The following KDM1A variants were observed in gnomAD, a reference collection of about 807,000 sequenced individuals.
The protein encoded by KDM1A is lysine-specific histone demethylase 1A.
A neutral mutation model predicts 109.4 loss-of-function variants in KDM1A; 49 were observed. The ratio of observed to expected loss-of-function variants is 0.45; its 90% confidence interval spans 0.36 to 0.57. The LOEUF (loss-of-function observed/expected upper bound fraction) is 0.57. Among genes scored for constraint, KDM1A ranks in the 20% least tolerant of loss-of-function variants. The pLI, the probability that KDM1A is intolerant of heterozygous loss-of-function variation, is 0.00. For synonymous variants in KDM1A, 380 were observed against 415.4 expected, an observed-to-expected ratio of 0.91 and a Z score of 1.04; for missense variants, 668 against 1,116.6, an observed-to-expected ratio of 0.60 and a Z score of 5.73.
intron 1 of KDM1A, among the ~76,000 whole-genome samples, chr1:23,028,191 G>A (rs900258639): frequency 6.6e-6 from 1 of 152,152 alleles, no homozygotes; most frequent in Non-Finnish European, 1.5e-5. Flanking sequence ...TGTCTCTGTT[G>A]CTCAGGCTGG....
chr1:23,068,997 TG>T, intron 11 of KDM1A, 63 bp from the exon 12 acceptor site: 2 of 1,099,642 alleles, frequency 1.8e-6, no homozygotes, highest in Admixed American at 2.3e-5. Flanking sequence ...ATGTTTTTGA[TG>T]GGCACCTGTC....
At chr1:23,078,854 T>A in intron 16 of KDM1A, 136 bp from the exon 17 acceptor site, 2 of 815,316 alleles carry the variant, frequency 2.5e-6, no homozygotes, top group Non-Finnish European at 4.0e-6. Context: ...AGTTTTCTTA[T>A]GTGAAACATG....
At chr1:23,056,066 C>T (rs1176746899) in intron 7 of KDM1A, 28 bp downstream of exon 7, 1 of 1,448,356 alleles carries the variant, frequency 6.9e-7, no homozygotes, top group Non-Finnish European at 9.7e-7. Flanking sequence ...AGTTTAGAGG[C>T]TTGACCTATT....
intron 2 of KDM1A, among the ~76,000 whole-genome samples, chr1:23,036,984 A>AT (rs1229481208): frequency 3.3e-5 from 5 of 152,140 alleles, no homozygotes; most frequent in Non-Finnish European, 7.3e-5. Context: ...CCTGCAAAGA[A>AT]TTTGTAGTCC....
chr1:23,041,260 A>C (rs1642322538), intron 2 of KDM1A, among the ~76,000 whole-genome samples: 1 of 152,102 alleles, frequency 6.6e-6, no homozygotes, highest in African/African-American at 2.4e-5. Flanking sequence ...GAAAATAATA[A>C]CTTCATTCTT....
chr1:23,068,688 A>T lies in KDM1A; in HGVS notation c.1322+7A>T. 1 of 1,539,190 alleles carries T rather than the reference A, an allele frequency of 6.5e-7. No homozygotes were observed. The highest frequency in any genetic ancestry group is 1.7e-4 in the Middle Eastern group (1 of 5,754). On this transcript the variant is annotated splice_region_variant and intron_variant, in intron 11 of 20. Coordinates refer to ENST00000400181, the MANE Select transcript of KDM1A (RefSeq NM_001009999.3). ...CATTGGAAGTTGTCATTCAGTAAGT[A>T]CTTTGATACTGCTTATTGTATAGTG...
At chr1:23,068,071 A>C (rs1643205231) in intron 10 of KDM1A, among the ~76,000 whole-genome samples, 1 of 152,164 alleles carries the variant, frequency 6.6e-6, no homozygotes, top group African/African-American at 2.4e-5. Flanking sequence ...CCTGAGATTC[A>C]TCTTTGAGGG....
At chr1:23,068,996 A>G in intron 11 of KDM1A, 65 bp from the exon 12 acceptor site, 1 of 1,099,796 alleles carries the variant, frequency 9.1e-7, no homozygotes, top group Non-Finnish European at 1.3e-6. Context: ...AATGTTTTTG[A>G]TGGGCACCTG....
chr1:23,057,374 C>T, intron 7 of KDM1A, 110 bp from the exon 8 acceptor site: 1 of 780,800 alleles, frequency 1.3e-6, no homozygotes, highest in Non-Finnish European at 2.2e-6. Context: ...TCCATGTAAA[C>T]TCTACATCTT....
intron 1 of KDM1A, 141 bp downstream of exon 1, chr1:23,020,088 CCT>C (rs1023051226): frequency 2.2e-6 from 2 of 905,014 alleles, no homozygotes; most frequent in Non-Finnish European, 3.0e-6. Context: ...CGCCACGTCC[CCT>C]CTAGCTGGAC....
chr1:23,022,035 G>T (rs571632811), intron 1 of KDM1A, among the ~76,000 whole-genome samples: 2 of 152,234 alleles, frequency 1.3e-5, no homozygotes, highest in Non-Finnish European at 1.5e-5. Context: ...ATATTCCATT[G>T]TATGGATATA....
At chr1:23,078,657 T>A (rs1187395815) in intron 16 of KDM1A, among the ~76,000 whole-genome samples, 2 of 152,196 alleles carry the variant, frequency 1.3e-5, no homozygotes, top group African/African-American at 4.8e-5. Context: ...ACTTTATTCT[T>A]TATTTTTGGT....
chr1:23,041,557 C>T (rs1258532909), intron 2 of KDM1A, among the ~76,000 whole-genome samples: 1 of 149,912 alleles, frequency 6.7e-6, no homozygotes, highest in Non-Finnish European at 1.5e-5. Flanking sequence ...ATTCTCCTGC[C>T]TCAGCCTCCT....
At chr1:23,050,546 C>G (rs746813193) in intron 4 of KDM1A, 26 bp downstream of exon 4, 2 of 1,569,820 alleles carry the variant, frequency 1.3e-6, no homozygotes, top group East Asian at 2.3e-5. Flanking sequence ...AGCTTTTTCA[C>G]CTGGATTATA....
intron 9 of KDM1A, among the ~76,000 whole-genome samples, chr1:23,063,205 G>GGGC (rs1553130174): frequency 1.4e-5 from 1 of 71,372 alleles, no homozygotes; most frequent in Admixed American, 1.4e-4. Context: ...TTGGGGGGGG[G>GGGC]GTGTGGTGTG....
chr1:23,031,647 TTTAGGGCA>T, intron 2 of KDM1A, among the ~76,000 whole-genome samples: 1 of 152,294 alleles, frequency 6.6e-6, no homozygotes, highest in Admixed American at 6.5e-5. Context: ...GATGCTTCAC[TTTAGGGCA>T]TTACCAGTCA....
intron 19 of KDM1A, 133 bp from the exon 20 acceptor site, chr1:23,082,087 T>G: frequency 1.1e-6 from 1 of 890,262 alleles, no homozygotes; most frequent in South Asian, 1.7e-5. Flanking sequence ...ATTCATCACT[T>G]GATCACTGGC....
chr1:23,082,461 T>A, intron 20 of KDM1A, 95 bp downstream of exon 20: 1 of 1,221,814 alleles, frequency 8.2e-7, no homozygotes, highest in Non-Finnish European at 1.1e-6. Flanking sequence ...TTTTAGTCAT[T>A]CCATCTTCGG....
intron 2 of KDM1A, among the ~76,000 whole-genome samples, chr1:23,042,437 A>ATATT (rs1642364054): frequency 3.2e-5 from 1 of 31,148 alleles, no homozygotes; most frequent in South Asian, 6.3e-4. Flanking sequence ...TATGAAATAT[A>ATATT]TTATTTTTTT....
Sources: gnomAD v4.1 joint callset for allele counts (sites outside exome capture counted in the v4.1 genomes callset) on GRCh38, gnomAD v4.1.1 for gene constraint, MANE v1.5 for transcripts, NCBI Gene and HGNC (gene_info 2026-07-23, HGNC 2026-07-21) for gene names.